Variants in PLCB4 observed in about 807,000 individuals in gnomAD.
PLCB4 encodes the protein phospholipase C beta 4.
Under a neutral mutation model 178.8 loss-of-function variants are expected in PLCB4, and 77 were observed. The observed-to-expected ratio is 0.43, with a 90% CI of 0.36 to 0.52. PLCB4 has a LOEUF of 0.52. Among genes scored for constraint, PLCB4 ranks in the 20% least tolerant of loss-of-function variants. PLCB4 has a pLI of 0.00. For missense variants in PLCB4, 1,024 were observed against 1,453.4 expected, an observed-to-expected ratio of 0.70 and a Z score of 4.80; for synonymous variants, 496 against 490.8, an observed-to-expected ratio of 1.01 and a Z score of -0.14.
intron 7 of PLCB4, among the ~76,000 whole-genome samples, chr20:9,353,364 G>A (rs767655195): frequency 6.6e-6 from 1 of 152,208 alleles, no homozygotes; most frequent in Non-Finnish European, 1.5e-5. Flanking sequence ...CCATGGGCAT[G>A]TGGGCGTTTC....
chr20:9,157,416 T>C lies in PLCB4; in HGVS notation c.-78-59974T>C, dbSNP rs563904903. ...GTTAAAATGCTGAAGGAACCTTGTG[T>C]CTGGTTTAAATACATTTTGGTTGGT... On this transcript the variant is annotated intron_variant, in intron 2 of 39. Transcript: ENST00000378473. Among the ~76,000 whole-genome samples, 18 of 152,254 alleles carry C rather than the reference T, an allele frequency of 1.2e-4. No homozygotes were observed. In the South Asian group the frequency reaches 3.3e-3, roughly 28 times the overall value.
chr20:9,411,737 C>T (rs1192747030), intron 25 of PLCB4, among the ~76,000 whole-genome samples: 1 of 149,484 alleles, frequency 6.7e-6, no homozygotes, highest in South Asian at 2.1e-4. Flanking sequence ...AAAAAAAACA[C>T]AACTATGTGG....
chr20:9,257,498 C>A (rs2094248884), intron 3 of PLCB4, among the ~76,000 whole-genome samples: 1 of 152,096 alleles, frequency 6.6e-6, no homozygotes, highest in Admixed American at 6.5e-5. Context: ...GTACGATAGA[C>A]CCTCATCTGC....
chr20:9,469,232 C>T (rs1365720927), intron 36 of PLCB4, among the ~76,000 whole-genome samples: 4 of 152,194 alleles, frequency 2.6e-5, no homozygotes, highest in African/African-American at 9.6e-5. Context: ...CTGCCCGCCT[C>T]AGCCTCCCAA....
intron 2 of PLCB4, among the ~76,000 whole-genome samples, chr20:9,143,844 T>C (rs900914277): frequency 7.9e-5 from 12 of 152,116 alleles, no homozygotes; most frequent in African/African-American, 2.4e-4. Context: ...TCCTGGTGGC[T>C]ATGGCTTCAT....
At chr20:9,252,948 C>T (rs999924173) in intron 3 of PLCB4, among the ~76,000 whole-genome samples, 4 of 152,164 alleles carry the variant, frequency 2.6e-5, no homozygotes, top group Admixed American at 6.5e-5. Context: ...CATGGGCCTC[C>T]ACTTACAGAC....
chr20:9,307,845 A>G lies in PLCB4; in HGVS notation c.31A>G (p.Lys11Glu). Residue 11 changes from lysine (K) to glutamate (E), a missense_variant, in exon 4 of 40, where the codon AAG becomes GAG. Physicochemically the swap from Lys to Glu is moderately conservative, Grantham distance 56. This residue lies in a region of PLCB4 where 225 missense variants were observed against 291.0 expected (regional missense o/e 0.77). Transcript: ENST00000378473. MAKPYEFNWQ[K>E]EVPSFLQEGA... is the part of the protein sequence containing the mutation. ...CAAACCTTATGAATTTAACTGGCAG[A>G]AGGAAGTTCCCTCCTTTTTGCAAGA... The G allele has an allele frequency of 1.2e-6, 2 of 1,602,266 alleles. No homozygotes were observed. The highest frequency in any genetic ancestry group is 2.2e-5 in the South Asian group (2 of 90,174).
chr20:9,440,573 G>C (rs1287915739), intron 30 of PLCB4, among the ~76,000 whole-genome samples: 1 of 152,158 alleles, frequency 6.6e-6, no homozygotes, highest in African/African-American at 2.4e-5. Flanking sequence ...CTTAGAACTG[G>C]CATGGCATCC....
At chr20:9,245,956 T>C (rs1319932815) in intron 3 of PLCB4, among the ~76,000 whole-genome samples, 10 of 152,056 alleles carry the variant, frequency 6.6e-5, no homozygotes, top group Admixed American at 3.3e-4. Context: ...TTAAGCTGTC[T>C]AGTTGGTGGT....
intron 7 of PLCB4, among the ~76,000 whole-genome samples, chr20:9,341,195 C>T (rs1180342673): frequency 1.3e-5 from 2 of 152,030 alleles, no homozygotes; most frequent in African/African-American, 4.8e-5. Context: ...TTAGTCTTGG[C>T]CCATTCTAAG....
chr20:9,307,513 A>C (rs2094784148), intron 3 of PLCB4, among the ~76,000 whole-genome samples: 1 of 133,594 alleles, frequency 7.5e-6, no homozygotes, highest in African/African-American at 2.7e-5. Flanking sequence ...ACACACACAC[A>C]CACACACACA....
chr20:9,425,220 C>T (rs2040916870), intron 28 of PLCB4, among the ~76,000 whole-genome samples: 1 of 152,156 alleles, frequency 6.6e-6, no homozygotes, highest in Admixed American at 6.5e-5. Flanking sequence ...CCTCAGAAAC[C>T]TCCCTGCAAC....
chr20:9,452,897 C>T (rs1217106968), intron 32 of PLCB4, among the ~76,000 whole-genome samples: 1 of 152,146 alleles, frequency 6.6e-6, no homozygotes, highest in East Asian at 1.9e-4. Flanking sequence ...GAAACCATGT[C>T]ACATGATGAA....
intron 35 of PLCB4, among the ~76,000 whole-genome samples, 199 bp downstream of exon 35, chr20:9,460,009 C>G (rs554736693): frequency 6.6e-6 from 1 of 152,094 alleles, no homozygotes; most frequent in African/African-American, 2.4e-5. Flanking sequence ...TGCAGTGGCT[C>G]ACACCTGTAA....
chr20:9,106,379 T>C (rs1486397922), intron 2 of PLCB4, among the ~76,000 whole-genome samples: 1 of 151,958 alleles, frequency 6.6e-6, no homozygotes, highest in African/African-American at 2.4e-5. Flanking sequence ...TAATTGATGA[T>C]GCTGTGGGCA....
intron 30 of PLCB4, among the ~76,000 whole-genome samples, chr20:9,438,081 T>C (rs913658655): frequency 1.3e-5 from 2 of 152,100 alleles, no homozygotes; most frequent in Non-Finnish European, 2.9e-5. Context: ...AGTTGGCAGC[T>C]TGAGGCCAGG....
At chr20:9,204,913 C>A (rs1011044786) in intron 2 of PLCB4, among the ~76,000 whole-genome samples, 1 of 151,284 alleles carries the variant, frequency 6.6e-6, no homozygotes, top group Non-Finnish European at 1.5e-5. Flanking sequence ...AAAAAAAAAA[C>A]CCGAATTTAA....
chr20:9,139,815 GTC>G (rs2092452362), intron 2 of PLCB4, among the ~76,000 whole-genome samples: 1 of 152,000 alleles, frequency 6.6e-6, no homozygotes, highest in East Asian at 1.9e-4. Flanking sequence ...TAGCCTCTGT[GTC>G]TCTTAGTTCA....
intron 2 of PLCB4, among the ~76,000 whole-genome samples, chr20:9,107,567 G>A (rs2091413072): frequency 6.6e-6 from 1 of 152,236 alleles, no homozygotes; most frequent in Non-Finnish European, 1.5e-5. Flanking sequence ...AATGCCATAA[G>A]GCAGAGGTGA....
Sources: allele counts gnomAD v4.1 joint callset (sites outside exome capture counted in the v4.1 genomes callset), GRCh38; gene constraint gnomAD v4.1.1; regional missense constraint gnomAD v4.1.1; transcripts MANE v1.5; gene names NCBI Gene and HGNC (gene_info 2026-07-23, HGNC 2026-07-21).